The following SGCG variants were observed in gnomAD, a reference collection of about 807,000 sequenced individuals.
The protein encoded by SGCG is gamma-sarcoglycan.
In SGCG, 26 loss-of-function variants were observed where a neutral mutation model predicts 29.3. The observed-to-expected ratio is 0.89, with a 90% CI of 0.65 to 1.23. The LOEUF is 1.23. Ranked by LOEUF, SGCG falls within the 50% of genes most tolerant of loss-of-function variation. The pLI is 0.00. For missense variants in SGCG, 353 were observed against 356.0 expected (o/e 0.99, Z 0.07); for synonymous variants, 145 against 129.7 (o/e 1.12, Z -0.80).
intron 1 of SGCG, among the ~76,000 whole-genome samples, chr13:23,196,494 C>T (rs1162577747): frequency 6.6e-6 from 1 of 152,282 alleles, no homozygotes; most frequent in East Asian, 1.9e-4. Context: ...TTGAAAACTG[C>T]TGCAGTGATG....
chr13:23,221,048 G>T (rs2137527679), intron 2 of SGCG, among the ~76,000 whole-genome samples: 1 of 152,114 alleles, frequency 6.6e-6, no homozygotes, highest in African/African-American at 2.4e-5. Flanking sequence ...GGATGTGTCA[G>T]ATTTAAAATG....
chr13:23,323,121 T>C (rs2137532444), intron 7 of SGCG, among the ~76,000 whole-genome samples: 1 of 152,072 alleles, frequency 6.6e-6, no homozygotes, highest in East Asian at 1.9e-4. Flanking sequence ...GCAGGACCCA[T>C]CAGATGACAG....
intron 6 of SGCG, among the ~76,000 whole-genome samples, chr13:23,315,374 C>T (rs987883046): frequency 6.6e-6 from 1 of 152,164 alleles, no homozygotes; most frequent in African/African-American, 2.4e-5. Flanking sequence ...TGCGATCGTG[C>T]TCGAGCAGGT....
At chr13:23,232,293 C>A (rs1167667086) in intron 2 of SGCG, among the ~76,000 whole-genome samples, 1 of 152,106 alleles carries the variant, frequency 6.6e-6, no homozygotes, top group Non-Finnish European at 1.5e-5. Context: ...TAATTTGGTT[C>A]TTGTTAATGG....
intron 1 of SGCG, among the ~76,000 whole-genome samples, chr13:23,188,192 A>G (rs919932470): frequency 6.6e-6 from 1 of 151,880 alleles, no homozygotes. Flanking sequence ...TTAATTCTTT[A>G]CTTTGCAGGG....
At chr13:23,308,043 A>G (rs936743318) in intron 6 of SGCG, among the ~76,000 whole-genome samples, 1 of 152,214 alleles carries the variant, frequency 6.6e-6, no homozygotes, top group Admixed American at 6.5e-5. Context: ...CAAGAAGTGG[A>G]TTGCTGAAGA....
intron 4 of SGCG, among the ~76,000 whole-genome samples, chr13:23,264,328 A>G (rs920328110): frequency 6.7e-6 from 1 of 150,048 alleles, no homozygotes; most frequent in Non-Finnish European, 1.5e-5. Context: ...AATTCATTTT[A>G]CAATGGTTAC....
At chr13:23,162,347 G>A in the SGCG span, among the ~76,000 whole-genome samples, 1 of 152,222 alleles carries the variant, frequency 6.6e-6, no homozygotes. Context: ...GGGCGCGGTG[G>A]CTCACGCCTG....
intron 2 of SGCG, among the ~76,000 whole-genome samples, chr13:23,215,464 G>A (rs948811069): frequency 6.6e-6 from 1 of 152,070 alleles, no homozygotes; most frequent in African/African-American, 2.4e-5. Flanking sequence ...TTCAGACTGG[G>A]TAAGGGTCTC....
chr13:23,204,631 C>T lies in SGCG; in HGVS notation c.195+742C>T, dbSNP rs147027964. 3.0e-3 allele frequency among the ~76,000 whole-genome samples: 456 copies of T among 149,652 alleles called. 2 individuals are homozygous for T. The highest frequency in any genetic ancestry group is 0.011 in the African/African-American group (430 of 40,676). On this transcript the variant is annotated intron_variant, in intron 2 of 7. Transcript: ENST00000218867. The stretch of plus-strand genomic sequence containing the variant: ...TTTCTTTCTTTTCTTTCTTTCCTTT[C>T]TTTCCTTTCTTTCTCTTCTTTCCCT...
chr13:23,300,645 T>C (rs1263496094), intron 6 of SGCG, among the ~76,000 whole-genome samples: 1 of 151,900 alleles, frequency 6.6e-6, no homozygotes, highest in Non-Finnish European at 1.5e-5. Context: ...TACTTCACGG[T>C]ATAGGAACTC....
chr13:23,243,615 T>C (rs1484467933), intron 3 of SGCG: 1 of 152,160 alleles, frequency 6.6e-6, no homozygotes, highest in Non-Finnish European at 1.5e-5. Context: ...TGGGAGTGGA[T>C]CTCACTGCTC....
the SGCG span, among the ~76,000 whole-genome samples, chr13:23,161,984 T>G: frequency 6.6e-6 from 1 of 152,216 alleles, no homozygotes; most frequent in Non-Finnish European, 1.5e-5. Flanking sequence ...AAAAAGGTAG[T>G]GATAAATAGC....
At chr13:23,212,665 AG>A (rs1318438573) in intron 2 of SGCG, among the ~76,000 whole-genome samples, 1 of 152,202 alleles carries the variant, frequency 6.6e-6, no homozygotes, top group Non-Finnish European at 1.5e-5. Context: ...AGGATGTGAA[AG>A]CATGGGCATG....
chr13:23,279,586 T>A, intron 5 of SGCG, 108 bp downstream of exon 5: 1 of 1,115,864 alleles, frequency 9.0e-7, no homozygotes, highest in East Asian at 2.7e-5. Flanking sequence ...GATAAGAGAG[T>A]TTGAATGTGT....
At chr13:23,293,315 A>G (rs534845787) in intron 5 of SGCG, among the ~76,000 whole-genome samples, 2 of 152,342 alleles carry the variant, frequency 1.3e-5, no homozygotes, top group South Asian at 4.1e-4. Context: ...TATGTAAATC[A>G]TCCTACTAAA....
intron 6 of SGCG, among the ~76,000 whole-genome samples, chr13:23,311,727 A>C (rs189194056): frequency 6.6e-6 from 1 of 152,304 alleles, no homozygotes; most frequent in Non-Finnish European, 1.5e-5. Flanking sequence ...TGAGTACAAA[A>C]ACCCAACAGT....
chr13:23,201,877 T>G (rs1565997543), intron 1 of SGCG, among the ~76,000 whole-genome samples: 1 of 152,194 alleles, frequency 6.6e-6, no homozygotes, highest in Non-Finnish European at 1.5e-5. Flanking sequence ...ACTCTCCTAG[T>G]CTGTCCTTTA....
chr13:23,236,885 T>G (rs1302153576), intron 3 of SGCG, among the ~76,000 whole-genome samples: 1 of 152,170 alleles, frequency 6.6e-6, no homozygotes, highest in African/African-American at 2.4e-5. Context: ...ATAACAGAGC[T>G]GTACAGTGTT....
Sources: gnomAD v4.1 joint callset for allele counts (sites outside exome capture counted in the v4.1 genomes callset) on GRCh38, gnomAD v4.1.1 for gene constraint, MANE v1.5 for transcripts, NCBI Gene and HGNC (gene_info 2026-07-23, HGNC 2026-07-21) for gene names.